The following GDAP1 variants were observed in gnomAD, a reference collection of about 807,000 sequenced individuals.
GDAP1 encodes the protein ganglioside induced differentiation associated protein 1, also known as ganglioside-induced differentiation-associated protein 1.
GDAP1 carries 34 observed loss-of-function variants against 40.1 expected under a neutral mutation model. The ratio of observed to expected loss-of-function variants is 0.85; its 90% CI spans 0.64 to 1.13. GDAP1 has a LOEUF of 1.13. Ranked by LOEUF, GDAP1 falls within the 50% of genes most tolerant of loss-of-function variation. The probability of loss-of-function intolerance (pLI) is 0.00; values close to 1 mark genes in which losing one functional copy is unlikely to be tolerated. For missense variants in GDAP1, 374 were observed against 433.7 expected (o/e 0.86, Z 1.22); for synonymous variants, 170 against 157.4 (o/e 1.08, Z -0.60).
chr8:74,478,334 G>A (rs1222241886), intron 2 of GDAP1, among the ~76,000 whole-genome samples: 2 of 152,122 alleles, frequency 1.3e-5, no homozygotes, highest in Admixed American at 6.5e-5. Context: ...GGGTGGCCGT[G>A]GTTGAGTGTA....
At chr8:74,386,448 C>T (rs1410367778) in intron 2 of GDAP1, among the ~76,000 whole-genome samples, 28 of 152,138 alleles carry the variant, frequency 1.8e-4, no homozygotes, top group Admixed American at 1.8e-3. Context: ...AATAGGGAAT[C>T]CTTTCCTCAT....
Position 74,466,560 on chromosome 8 carries a change from G to A in GDAP1, c.166-22118G>A, listed in dbSNP as rs376543874. ...GTTGAAGATAGAGCTTGCAAGATTCGCTGATAGATTGGATTACAGTTGTGG... is the reference window on the plus strand; with the variant it reads ...GTTGAAGATAGAGCTTGCAAGATTCACTGATAGATTGGATTACAGTTGTGG... On this transcript the variant is annotated intron_variant, in intron 2 of 2. Coordinates refer to the GDAP1 transcript ENST00000523640. 2.2e-4 allele frequency among the ~76,000 whole-genome samples: 33 copies of A among 152,292 alleles called. 1 individual carries two copies. The South Asian group carries it at 6.6e-3, about 31-fold the overall frequency.
At chr8:74,423,273 C>T (rs986719314) in intron 2 of GDAP1, among the ~76,000 whole-genome samples, 7 of 145,384 alleles carry the variant, frequency 4.8e-5, no homozygotes, top group African/African-American at 1.8e-4. Flanking sequence ...TGATATTATA[C>T]TATATATAAT....
chr8:74,381,881 CTT>C (rs1809959437), intron 2 of GDAP1, among the ~76,000 whole-genome samples: 1 of 151,720 alleles, frequency 6.6e-6, no homozygotes, highest in Non-Finnish European at 1.5e-5. Flanking sequence ...AGGTCTTAAA[CTT>C]TTTACTTTGT....
In GDAP1 at chr8:74,421,113, C is replaced by G. The variant is rs1805852395; in HGVS notation, c.166-67565C>G. ...TTGTGGACTTAAAAGGATTGCTTTTCTATTGGGTGAAGCAACTCCAATTGC... is the reference window on the plus strand; with the variant it reads ...TTGTGGACTTAAAAGGATTGCTTTTGTATTGGGTGAAGCAACTCCAATTGC... On this transcript the variant is annotated intron_variant, in intron 2 of 2. Transcript: ENST00000523640. 2.6e-5 allele frequency among the ~76,000 whole-genome samples: 4 copies of G among 152,080 alleles called. No homozygotes were observed. In the South Asian group the frequency reaches 8.3e-4, roughly 32 times the overall value.
chr8:74,426,759 T>C (rs1480292491), intron 2 of GDAP1, among the ~76,000 whole-genome samples: 1 of 152,220 alleles, frequency 6.6e-6, no homozygotes, highest in Non-Finnish European at 1.5e-5. Flanking sequence ...TTTCTTGCCA[T>C]AAAATGCTGT....
In GDAP1 at chr8:74,447,837, C is replaced by T. The variant is rs533473247; in HGVS notation, c.166-40841C>T. On this transcript the variant is annotated intron_variant, in intron 2 of 2. Transcript: ENST00000523640. ...TTCTTAACAATATTATATAAAATGACCTTTAGGCTATGTTTATAAAGTGTA... is the reference window on the plus strand; with the variant it reads ...TTCTTAACAATATTATATAAAATGATCTTTAGGCTATGTTTATAAAGTGTA... 3.3e-5 allele frequency among the ~76,000 whole-genome samples: 5 copies of T among 152,222 alleles called. No individual in the cohort carries two copies. The South Asian group carries it at 8.3e-4, about 25-fold the overall frequency.
At chr8:74,355,589 G>T (rs1386606449) in intron 2 of GDAP1, among the ~76,000 whole-genome samples, 2 of 152,154 alleles carry the variant, frequency 1.3e-5, no homozygotes, top group South Asian at 4.1e-4. Context: ...AGAAAGAATG[G>T]ATGTGACAAG....
At chr8:74,486,918 C>T (rs1806783058) in intron 2 of GDAP1, among the ~76,000 whole-genome samples, 2 of 152,118 alleles carry the variant, frequency 1.3e-5, no homozygotes, top group East Asian at 1.9e-4. Context: ...ATACTAGAAA[C>T]ATGAATAGGC....
At chr8:74,442,952 G>T (rs935012529) in intron 2 of GDAP1, among the ~76,000 whole-genome samples, 4 of 152,184 alleles carry the variant, frequency 2.6e-5, no homozygotes, top group Non-Finnish European at 5.9e-5. Context: ...TACAGCAAAT[G>T]GAGCACCACC....
chr8:74,385,730 ATT>A (rs1810015965), intron 2 of GDAP1, among the ~76,000 whole-genome samples: 1 of 152,142 alleles, frequency 6.6e-6, no homozygotes, highest in African/African-American at 2.4e-5. Context: ...GTCAAATGGT[ATT>A]TCTGGTTGTA....
chr8:74,394,185 G>A (rs1443391643), intron 2 of GDAP1, among the ~76,000 whole-genome samples: 1 of 152,216 alleles, frequency 6.6e-6, no homozygotes, highest in Non-Finnish European at 1.5e-5. Context: ...GAGAGAGCTT[G>A]TGCAGGGAAA....
intron 2 of GDAP1, among the ~76,000 whole-genome samples, chr8:74,374,240 A>C (rs1809809253): frequency 6.6e-6 from 1 of 152,170 alleles, no homozygotes; most frequent in African/African-American, 2.4e-5. Context: ...TGTCTCTGCC[A>C]GCCTTTGGTA....
At chr8:74,449,438 C>T (rs1418433514) in intron 2 of GDAP1, among the ~76,000 whole-genome samples, 2 of 151,846 alleles carry the variant, frequency 1.3e-5, no homozygotes, top group Non-Finnish European at 3.0e-5. Context: ...CTTAACAATA[C>T]TGACTCTTCA....
At chr8:74,362,314 C>T (rs535324327) in intron 4 of GDAP1, among the ~76,000 whole-genome samples, 1 of 152,164 alleles carries the variant, frequency 6.6e-6, no homozygotes, top group Non-Finnish European at 1.5e-5. Context: ...CCATGTGTCG[C>T]CCTGACTTGC....
chr8:74,474,176 C>T (rs1806596590), intron 2 of GDAP1, among the ~76,000 whole-genome samples: 1 of 152,130 alleles, frequency 6.6e-6, no homozygotes, highest in African/African-American at 2.4e-5. Context: ...TTTTTATCAG[C>T]TTTAGGAGCT....
chr8:74,372,053 A>G (rs542811758), intron 2 of GDAP1, among the ~76,000 whole-genome samples: 57 of 152,186 alleles, frequency 3.7e-4, no homozygotes, highest in African/African-American at 1.3e-3. Context: ...TTTGCTGAGA[A>G]TGATGGTTTC....
At chr8:74,377,026 A>T (rs976408665) in intron 2 of GDAP1, among the ~76,000 whole-genome samples, 1 of 152,194 alleles carries the variant, frequency 6.6e-6, no homozygotes, top group African/African-American at 2.4e-5. Context: ...ATATACCTCA[A>T]TATTAATATT....
At chr8:74,387,697 A>G (rs1810045515) in intron 2 of GDAP1, among the ~76,000 whole-genome samples, 2 of 152,130 alleles carry the variant, frequency 1.3e-5, no homozygotes, top group South Asian at 4.1e-4. Flanking sequence ...TGGCCTCATA[A>G]AATTAGTTAG....
Sources: allele counts gnomAD v4.1 joint callset (sites outside exome capture counted in the v4.1 genomes callset), GRCh38; gene constraint gnomAD v4.1.1; transcripts MANE v1.5; gene names NCBI Gene and HGNC (gene_info 2026-07-23, HGNC 2026-07-21).